The following LTBP1 variants were observed in gnomAD, a reference collection of about 807,000 sequenced individuals.
LTBP1 encodes the protein latent transforming growth factor beta binding protein 1, also known as latent-transforming growth factor beta-binding protein 1.
Under a neutral mutation model 207.6 loss-of-function variants are expected in LTBP1, and 129 were observed. The observed-to-expected ratio is 0.62, with a 90% confidence interval of 0.54 to 0.72. LTBP1 has a LOEUF of 0.72. Among genes scored for constraint, LTBP1 ranks in the 30% least tolerant of loss-of-function variants. LTBP1 has a pLI of 0.00. For synonymous variants in LTBP1, 963 were observed against 833.7 expected (o/e 1.16, Z -2.67); for missense variants, 2,281 against 2,217.2 (o/e 1.03, Z -0.58).
chr2:33,019,328 CTTTTTTTT>C (rs58570641), intron 2 of LTBP1, among the ~76,000 whole-genome samples: 6 of 87,672 alleles, frequency 6.8e-5, no homozygotes, highest in African/African-American at 1.7e-4. Context: ...ATGTACACTT[CTTTTTTTT>C]TTTTTTTTTT....
At chr2:33,201,111 G>A (rs1363200235) in intron 7 of LTBP1, among the ~76,000 whole-genome samples, 2 of 152,144 alleles carry the variant, frequency 1.3e-5, no homozygotes, top group African/African-American at 4.8e-5. Context: ...ATTTGACCCA[G>A]CCATCCCATT....
chr2:33,085,810 G>T (rs1006800903), intron 3 of LTBP1, among the ~76,000 whole-genome samples: 2 of 152,130 alleles, frequency 1.3e-5, no homozygotes, highest in African/African-American at 4.8e-5. Flanking sequence ...AGACTTTTTG[G>T]CCCTGTGTTG....
chr2:33,159,065 G>A (rs1490013448), intron 5 of LTBP1, among the ~76,000 whole-genome samples: 1 of 152,148 alleles, frequency 6.6e-6, no homozygotes, highest in Admixed American at 6.5e-5. Flanking sequence ...GGGAATGCAG[G>A]GGGCCTAGGG....
chr2:33,048,798 C>T (rs2149481625), intron 3 of LTBP1, among the ~76,000 whole-genome samples: 1 of 152,238 alleles, frequency 6.6e-6, no homozygotes, highest in Middle Eastern at 3.4e-3. Flanking sequence ...AAAAATCTTA[C>T]AGTATTTAAT....
chr2:33,269,101 CCATTCATTCATTCATT>C (rs3050390), intron 15 of LTBP1, among the ~76,000 whole-genome samples: 2 of 151,438 alleles, frequency 1.3e-5, no homozygotes, highest in African/African-American at 4.9e-5. Context: ...TTTCCAGACT[CCATTCATTCATTCATT>C]CATTCATTCA....
intron 2 of LTBP1, among the ~76,000 whole-genome samples, chr2:33,018,190 C>A (rs1053090988): frequency 1.3e-5 from 2 of 151,616 alleles, no homozygotes; most frequent in African/African-American, 4.8e-5. Flanking sequence ...CTCCCCACCC[C>A]CCTTACCCTA....
intron 9 of LTBP1, among the ~76,000 whole-genome samples, chr2:33,237,273 CG>C (rs2092096128): frequency 6.6e-6 from 1 of 151,980 alleles, no homozygotes; most frequent in Non-Finnish European, 1.5e-5. Context: ...AAGGACTCTT[CG>C]GGTTTTAAAT....
At chr2:33,022,747 T>G (rs137982807) in intron 3 of LTBP1, among the ~76,000 whole-genome samples, 1 of 152,352 alleles carries the variant, frequency 6.6e-6, no homozygotes, top group East Asian at 1.9e-4. Context: ...ATACGGTTTC[T>G]GTTGCATCTA....
chr2:33,142,176 C>T (rs1432116522), intron 5 of LTBP1, among the ~76,000 whole-genome samples: 8 of 152,030 alleles, frequency 5.3e-5, no homozygotes, highest in Non-Finnish European at 1.0e-4. Flanking sequence ...CTCAGCCTCC[C>T]GAGCAGCTGG....
At chr2:33,209,201 TA>T (rs2090113110) in intron 7 of LTBP1, among the ~76,000 whole-genome samples, 1 of 152,102 alleles carries the variant, frequency 6.6e-6, no homozygotes, top group Admixed American at 6.6e-5. Flanking sequence ...CCCTGACTCT[TA>T]GGCCATTTCT....
intron 7 of LTBP1, among the ~76,000 whole-genome samples, chr2:33,192,324 C>T (rs1038375916): frequency 6.6e-6 from 1 of 152,152 alleles, no homozygotes; most frequent in African/African-American, 2.4e-5. Flanking sequence ...GTGCCTCCTG[C>T]TGTGAGACAG....
At chr2:33,235,583 A>G (rs1192154986) in intron 9 of LTBP1, among the ~76,000 whole-genome samples, 1 of 152,208 alleles carries the variant, frequency 6.6e-6, no homozygotes. Flanking sequence ...AAATCATTCT[A>G]CTATAAAGAC....
At chr2:33,191,483 A>G (rs1008222626) in intron 7 of LTBP1, among the ~76,000 whole-genome samples, 4 of 152,226 alleles carry the variant, frequency 2.6e-5, no homozygotes, top group Non-Finnish European at 5.9e-5. Flanking sequence ...GCATATATTT[A>G]TTGGTCTTCC....
At chr2:33,163,603 G>A (rs376640307) in intron 5 of LTBP1, among the ~76,000 whole-genome samples, 4 of 152,204 alleles carry the variant, frequency 2.6e-5, no homozygotes, top group East Asian at 3.9e-4. Context: ...TAGCAAAAAC[G>A]CATTATAGTT....
intron 5 of LTBP1, among the ~76,000 whole-genome samples, chr2:33,175,375 T>C (rs2085923601): frequency 6.6e-6 from 1 of 151,962 alleles, no homozygotes; most frequent in Non-Finnish European, 1.5e-5. Flanking sequence ...AAAGAAGCCA[T>C]TTATGCAGCC....
chr2:33,293,277 G>A lies in LTBP1; in HGVS notation c.3230G>A (p.Cys1077Tyr). ...ACCCGGACTCCGGACCACAAGCACTGTAGAGGTAAATACTGTGATCAAGTT... is the reference window on the plus strand; with the variant it reads ...ACCCGGACTCCGGACCACAAGCACTATAGAGGTAAATACTGTGATCAAGTT... ...GYTRTPDHKH[C>Y]RDIDECQQGN... The change falls in exon 20 of 34, where the codon TGT becomes TAT. Residue 1077 changes from cysteine (C) to tyrosine (Y), a missense_variant. Physicochemically the swap from Cys to Tyr is radical, Grantham distance 194 (BLOSUM62 -2). This residue lies in a region of LTBP1 where 1,671 missense variants were observed against 1,634.8 expected (regional missense o/e 1.02). Transcript: ENST00000404816. 2 of 1,609,442 alleles carry A rather than the reference G, an allele frequency of 1.2e-6. No individual in the cohort carries two copies. Among genetic ancestry groups the A allele is most frequent in the Non-Finnish European group, 8.5e-7 (1 of 1,178,990 alleles).
chr2:32,995,205 G>T (rs972396712), intron 2 of LTBP1, among the ~76,000 whole-genome samples: 2 of 151,576 alleles, frequency 1.3e-5, no homozygotes, highest in Non-Finnish European at 2.9e-5. Flanking sequence ...CCGCTCTTCA[G>T]ATGACTGTTA....
At chr2:33,264,476 T>G (rs2093118764) in intron 15 of LTBP1, among the ~76,000 whole-genome samples, 2 of 152,186 alleles carry the variant, frequency 1.3e-5, no homozygotes, top group African/African-American at 4.8e-5. Context: ...ATGTTTTATA[T>G]TCTGAAACAA....
At chr2:33,135,691 G>GT (rs1360462420) in intron 5 of LTBP1, among the ~76,000 whole-genome samples, 1 of 152,138 alleles carries the variant, frequency 6.6e-6, no homozygotes, top group Non-Finnish European at 1.5e-5. Context: ...TTGAATTTTT[G>GT]TTTTTTACTT....
Sources: gnomAD v4.1 joint callset for allele counts (sites outside exome capture counted in the v4.1 genomes callset) on GRCh38, gnomAD v4.1.1 for gene constraint, gnomAD v4.1.1 regional missense constraint, MANE v1.5 for transcripts, NCBI Gene and HGNC (gene_info 2026-07-23, HGNC 2026-07-21) for gene names.